Variants in ASCC2 observed in about 807,000 individuals in gnomAD.
The protein encoded by ASCC2 is ASC-1 complex subunit P100.
ASCC2 carries 42 observed loss-of-function variants against 93.5 expected under a neutral mutation model. The observed-to-expected ratio is 0.45, with a 90% CI of 0.35 to 0.58. ASCC2 has a LOEUF of 0.58. Among genes scored for constraint, ASCC2 ranks in the 20% least tolerant of loss-of-function variants. ASCC2 has a pLI of 0.00. For missense variants in ASCC2, 859 were observed against 977.6 expected, an observed-to-expected ratio of 0.88 and a Z score of 1.62; for synonymous variants, 364 against 384.2, an observed-to-expected ratio of 0.95 and a Z score of 0.62.
intron 2 of ASCC2, among the ~76,000 whole-genome samples, chr22:29,826,451 G>A (rs1224966438): frequency 6.6e-6 from 1 of 151,826 alleles, no homozygotes; most frequent in African/African-American, 2.4e-5. Flanking sequence ...AAGTAGCTGG[G>A]ACTACAGGTG....
chr22:29,818,464 A>G (rs1309582717), intron 5 of ASCC2, among the ~76,000 whole-genome samples: 2 of 62,822 alleles, frequency 3.2e-5, no homozygotes, highest in African/African-American at 5.6e-5. Context: ...ACACACACAC[A>G]CACACACACA....
chr22:29,828,029 C>A (rs1436675005), intron 2 of ASCC2, among the ~76,000 whole-genome samples: 2 of 152,046 alleles, frequency 1.3e-5, no homozygotes, highest in African/African-American at 2.4e-5. Context: ...AGATGGACAT[C>A]TAAATCACCA....
At chr22:29,792,639 C>A in intron 17 of ASCC2, 104 bp from the exon 18 acceptor site, 1 of 1,484,792 alleles carries the variant, frequency 6.7e-7, no homozygotes, top group Admixed American at 2.0e-5. Flanking sequence ...GCCAGGAGGG[C>A]TCAGGAGGTT....
chr22:29,808,809 CA>C (rs564026837), intron 8 of ASCC2, among the ~76,000 whole-genome samples: 8,489 of 104,564 alleles, frequency 0.081, 739 homozygotes, highest in African/African-American at 0.25. Flanking sequence ...GACCCTATCT[CA>C]AAAAAAAAAA....
chr22:29,809,486 T>C (rs2060053002), intron 8 of ASCC2, among the ~76,000 whole-genome samples: 2 of 151,936 alleles, frequency 1.3e-5, no homozygotes, highest in Admixed American at 1.3e-4. Context: ...CTTAAAACTT[T>C]TATAAAATTA....
intron 18 of ASCC2, among the ~76,000 whole-genome samples, chr22:29,791,481 A>G (rs1445797207): frequency 2.6e-5 from 4 of 152,088 alleles, no homozygotes; most frequent in Admixed American, 6.5e-5. Context: ...GGAGTTGGAG[A>G]CCAGCCTGGC....
rs1431792161 is a variant in ASCC2 at position 29,815,961 on chromosome 22, A to G, written c.609+45T>C. 1.1e-5 allele frequency: 16 copies of G among 1,492,938 alleles called. 1 individual carries two copies. The highest frequency in any genetic ancestry group is 3.4e-4 in the Middle Eastern group (2 of 5,868). 92.5% of individuals were successfully genotyped at this position (1,492,938 alleles called of 1,614,324 possible). A position where few individuals can be genotyped will look rare whatever the true frequency, so the allele number is the denominator to read the frequency against. ...CACCATTGAGTTGGGGAGGTGGCCT[A>G]TCCTCCAAGCTCAACCTCCCCTGCG... On this transcript the variant is annotated intron_variant, in intron 6 of 19. Transcript: ENST00000307790.
chr22:29,824,678 G>A (rs1053901068), intron 4 of ASCC2, among the ~76,000 whole-genome samples: 4 of 152,120 alleles, frequency 2.6e-5, no homozygotes, highest in South Asian at 2.1e-4. Context: ...AGATTTTGTC[G>A]GTGACATTCG....
chr22:29,790,594 A>G (rs2057594121), intron 18 of ASCC2, 46 bp from the exon 19 acceptor site: 1 of 1,589,368 alleles, frequency 6.3e-7, no homozygotes, highest in Non-Finnish European at 8.6e-7. Context: ...GAGCTGCCAC[A>G]TTTTCCTAAG....
intron 1 of ASCC2, among the ~76,000 whole-genome samples, chr22:29,837,292 G>T (rs577801407): frequency 1.7e-3 from 257 of 151,302 alleles, no homozygotes; most frequent in African/African-American, 5.8e-3. Context: ...AATTAGCAGG[G>T]CGTGGTGGTG....
chr22:29,811,946 C>T (rs2060321296), intron 8 of ASCC2, among the ~76,000 whole-genome samples: 2 of 152,208 alleles, frequency 1.3e-5, no homozygotes, highest in African/African-American at 2.4e-5. Flanking sequence ...AAATGTTCTA[C>T]AAGCACATGC....
At chr22:29,808,556 C>T (rs921573498) in intron 8 of ASCC2, among the ~76,000 whole-genome samples, 1 of 152,192 alleles carries the variant, frequency 6.6e-6, no homozygotes, top group African/African-American at 2.4e-5. Flanking sequence ...CACAGTGGCT[C>T]ATGCCTGTAA....
chr22:29,806,629 C>T lies in ASCC2; in HGVS notation c.1017-76G>A. 2.7e-6 allele frequency: 4 copies of T among 1,498,658 alleles called. No homozygotes were observed. In the Admixed American group the frequency reaches 5.3e-5, roughly 20 times the overall value. The allele number at this position is 1,498,658 out of a possible 1,614,324, so 92.8% of individuals were successfully genotyped here. Reference sequence around the variant, plus strand: ...CAGCTCCTTTACACACCCGCTGCCCCTCTTTAAGGCTGGGGCCCAGTGGAG... The same window carrying T: ...CAGCTCCTTTACACACCCGCTGCCCTTCTTTAAGGCTGGGGCCCAGTGGAG... On this transcript the variant is annotated intron_variant, in intron 10 of 19. Transcript: ENST00000307790.
At chr22:29,824,134 A>G (rs1446987475) in intron 4 of ASCC2, among the ~76,000 whole-genome samples, 2 of 152,174 alleles carry the variant, frequency 1.3e-5, no homozygotes, top group African/African-American at 4.8e-5. Flanking sequence ...GGCTGCAGGA[A>G]GCTATGATTG....
At chr22:29,794,172 G>A (rs900065745) in intron 15 of ASCC2, among the ~76,000 whole-genome samples, 7 of 150,958 alleles carry the variant, frequency 4.6e-5, no homozygotes, top group South Asian at 2.1e-4. Flanking sequence ...GGTGTGAGCC[G>A]CTGCGCCCGG....
intron 2 of ASCC2, among the ~76,000 whole-genome samples, chr22:29,830,311 A>G (rs370003797): frequency 6.6e-6 from 1 of 152,348 alleles, no homozygotes; most frequent in African/African-American, 2.4e-5. Flanking sequence ...AAAGACACAA[A>G]GACAAATATT....
intron 8 of ASCC2, among the ~76,000 whole-genome samples, chr22:29,811,436 A>G (rs920224825): frequency 2.0e-5 from 3 of 152,244 alleles, no homozygotes; most frequent in Admixed American, 1.3e-4. Flanking sequence ...TTATTCATAA[A>G]AGTATATCTA....
chr22:29,822,134 T>C (rs1280583162), intron 5 of ASCC2: 1 of 657,886 alleles, frequency 1.5e-6, no homozygotes. Flanking sequence ...TGGTACACAG[T>C]TTTATTTCCA....
chr22:29,804,852 T>C (rs1297191740), intron 12 of ASCC2, 22 bp from the exon 13 acceptor site: 2 of 1,611,596 alleles, frequency 1.2e-6, no homozygotes, highest in African/African-American at 2.7e-5. Flanking sequence ...TGTTAAGGGG[T>C]CTGTCTTAAG....
Sources: allele counts gnomAD v4.1 joint callset (sites outside exome capture counted in the v4.1 genomes callset), GRCh38; gene constraint gnomAD v4.1.1; transcripts MANE v1.5; gene names NCBI Gene and HGNC (gene_info 2026-07-23, HGNC 2026-07-21).